Variants in ACAN observed in about 807,000 individuals in gnomAD.
ACAN encodes the protein aggrecan core protein.
In ACAN, 47 loss-of-function variants were observed where a neutral mutation model predicts 169.1. The ratio of observed to expected loss-of-function variants is 0.28; its 90% CI spans 0.22 to 0.35. ACAN has a LOEUF of 0.35. Among genes scored for constraint, ACAN ranks in the 10% least tolerant of loss-of-function variants. ACAN has a pLI of 1.00. For synonymous variants in ACAN, 1,115 were observed against 1,112.2 expected, an observed-to-expected ratio of 1.00 and a Z score of -0.05; for missense variants, 2,716 against 2,759.9, an observed-to-expected ratio of 0.98 and a Z score of 0.36.
Position 88,838,964 on chromosome 15 carries a change from C to T in ACAN, c.372C>T (p.Arg124=). Residue 124 remains arginine (R), a synonymous_variant, in exon 3 of 19, where the codon CGC becomes CGT. Coordinates refer to ENST00000560601, the MANE Select transcript of ACAN (RefSeq NM_001369268.1). This position sits in a 1 kb window ranked among gnomAD's most constrained non-coding sequence, Gnocchi z 5.1. ...SDATLEVQSL[R]SNDSGVYRCE... is the part of the protein sequence containing the mutation. ...CCACCTTGGAAGTCCAGAGCCTGCG[C>T]TCCAATGACTCTGGGGTCTACCGCT... is the stretch of plus-strand genomic sequence containing the variant. 2.5e-6 allele frequency: 4 copies of T among 1,613,538 alleles called. No individual in the cohort carries two copies. Among genetic ancestry groups the T allele is most frequent in the East Asian group, 2.2e-5 (1 of 44,878 alleles).
Position 88,855,119 on chromosome 15 carries a change from C to G in ACAN, c.2534C>G (p.Ser845Ter). The change falls in exon 12 of 19, where the codon TCA becomes TGA. Residue 845 changes from serine to a stop codon, truncating the protein, a stop_gained. Coordinates refer to ENST00000560601, the MANE Select transcript of ACAN (RefSeq NM_001369268.1). LOFTEE classifies it high-confidence loss of function. ...GCCTCGGAAGAGCCGTATACACCTT[C>G]ACCCCCCGTGCCCAGCTGGACTGAG... The part of the protein sequence containing the change: ...PSASEEPYTP[S>*]PPVPSWTELP... The G allele has an allele frequency of 6.2e-7, 1 of 1,606,574 alleles. No homozygotes were observed. The highest frequency in any genetic ancestry group is 8.5e-7 in the Non-Finnish European group (1 of 1,176,102).
intron 1 of ACAN, among the ~76,000 whole-genome samples, chr15:88,815,256 G>A (rs751949251): frequency 5.3e-5 from 8 of 151,966 alleles, no homozygotes; most frequent in Non-Finnish European, 1.2e-4. Context: ...CACAAAGATT[G>A]GATTCCAAGT....
At position 88,871,947 on chromosome 15, in the gene ACAN, C is replaced by T. The variant is rs60830355; in HGVS notation, c.7220-56C>T. The T allele has an allele frequency of 6.0e-6, 9 of 1,488,488 alleles. No individual in the cohort carries two copies. The highest frequency in any genetic ancestry group is 9.4e-7 in the Non-Finnish European group (1 of 1,064,992). 92.2% of individuals were successfully genotyped at this position (1,488,488 alleles called of 1,614,324 possible). On this transcript the variant is annotated intron_variant, in intron 15 of 18. Coordinates refer to ENST00000560601, the MANE Select transcript of ACAN (RefSeq NM_001369268.1). This position sits in a 1 kb window ranked among gnomAD's most constrained non-coding sequence, Gnocchi z 7.8. ...CCTCTGCCTCCGTGAGCTCAAGTTT[C>T]TCAGACACCCTCAGGGTGTCCAGTG...
At chr15:88,826,203 C>A (rs1295155168) in intron 1 of ACAN, among the ~76,000 whole-genome samples, 1 of 152,068 alleles carries the variant, frequency 6.6e-6, no homozygotes, top group Non-Finnish European at 1.5e-5. Flanking sequence ...TATTTTTGAG[C>A]AGATGATGAT....
chr15:88,837,506 C>T (rs1480519906), intron 2 of ACAN, among the ~76,000 whole-genome samples: 2 of 152,168 alleles, frequency 1.3e-5, no homozygotes, highest in East Asian at 1.9e-4. Flanking sequence ...GACCCACAGC[C>T]ATGCAGCCCC....
At chr15:88,863,313 CA>C (rs1596151444) in intron 13 of ACAN, among the ~76,000 whole-genome samples, 1 of 152,134 alleles carries the variant, frequency 6.6e-6, no homozygotes, top group East Asian at 1.9e-4. Flanking sequence ...TGACATCACC[CA>C]AGGGAATTAG....
At chr15:88,804,763 G>C (rs1895634771) in intron 1 of ACAN, among the ~76,000 whole-genome samples, 1 of 152,196 alleles carries the variant, frequency 6.6e-6, no homozygotes, top group African/African-American at 2.4e-5. Flanking sequence ...TCAGTCATGA[G>C]CTGGGTTCTG....
intron 12 of ACAN, among the ~76,000 whole-genome samples, chr15:88,860,018 G>A (rs566810426): frequency 6.0e-5 from 9 of 149,932 alleles, no homozygotes; most frequent in African/African-American, 2.0e-4. Context: ...TTGTCTCACC[G>A]TGACATAACT....
rs1455683103 is a variant in ACAN, at chr15:88,873,909, G to C, written c.7515G>C (p.Glu2505Asp). 6.2e-7 allele frequency: 1 copy of C among 1,613,728 alleles called. No homozygotes were observed. The highest frequency in any genetic ancestry group is 8.5e-7 in the Non-Finnish European group (1 of 1,179,908). ...TCGGGCAGAAGAAGGACCGGTATGAGATCAATTCCCTGGTGCGGTACCAGT... is the reference window on the plus strand; with the variant it reads ...TCGGGCAGAAGAAGGACCGGTATGACATCAATTCCCTGGTGCGGTACCAGT... ...RTFGQKKDRY[E>D]INSLVRYQCT... Residue 2505 changes from glutamate (E) to aspartate (D), a missense_variant, in exon 18 of 19, where the codon GAG (glutamate) becomes GAC (aspartate). Physicochemically the swap from Glu to Asp is conservative, Grantham distance 45 (BLOSUM62 2). Around this residue, in one of 3 missense-constraint regions of ACAN, gnomAD observed 1,389 missense variants for 1,363.7 expected, o/e 1.02. Transcript: ENST00000560601. This position sits in a 1 kb window ranked among gnomAD's most constrained non-coding sequence, Gnocchi z 7.5.
At position 88,851,334 on chromosome 15, in the gene ACAN, C is replaced by A; in HGVS notation, c.2027-460C>A. On this transcript the variant is annotated intron_variant, in intron 10 of 18. Transcript: ENST00000560601. The surrounding 1 kb of genome is among the most constrained non-coding windows in gnomAD (Gnocchi z 4.3). ...CACTTGGAACATAATCCCTGTCCCC[C>A]AAGGTTGTTCAGTAGTTGAGAGCGT... The A allele has an allele frequency of 6.4e-6, 1 of 156,636 alleles. No homozygotes were observed. The highest frequency in any genetic ancestry group is 6.3e-5 in the Admixed American group (1 of 15,916). The allele number at this position is 156,636 out of a possible 1,614,324, so 9.7% of individuals were successfully genotyped here. A position where few individuals can be genotyped will look rare whatever the true frequency, so the allele number is the denominator to read the frequency against.
chr15:88,849,820 C>A lies in ACAN; in HGVS notation c.2026+89C>A. 1 of 1,507,004 alleles carries A rather than the reference C, an allele frequency of 6.6e-7. No homozygotes were observed. The highest frequency in any genetic ancestry group is 9.0e-7 in the Non-Finnish European group (1 of 1,106,092). The allele number at this position is 1,507,004 out of a possible 1,614,324, so 93.4% of individuals were successfully genotyped here. A position where few individuals can be genotyped will look rare whatever the true frequency, so the allele number is the denominator to read the frequency against. ...CGGATCCTGCCACCACCCAGTATCC[C>A]ATCCATCAGAGCAAGAAAATGTCAG... On this transcript the variant is annotated intron_variant, in intron 10 of 18. Coordinates refer to ENST00000560601, the MANE Select transcript of ACAN (RefSeq NM_001369268.1). This position sits in a 1 kb window ranked among gnomAD's most constrained non-coding sequence, Gnocchi z 5.1.
At position 88,874,060 on chromosome 15, in the gene ACAN, G is replaced by T; in HGVS notation, c.7630+36G>T. 6.2e-7 allele frequency: 1 copy of T among 1,602,014 alleles called. No individual in the cohort carries two copies. The highest frequency in any genetic ancestry group is 8.5e-7 in the Non-Finnish European group (1 of 1,179,120). ...CCCCGGCCATCTCGCTGAGCACAGG[G>T]TTAGATTCTGCCAGCACAGCCTTCC... On this transcript the variant is annotated intron_variant, in intron 18 of 18. Coordinates refer to ENST00000560601, the MANE Select transcript of ACAN (RefSeq NM_001369268.1). This position sits in a 1 kb window ranked among gnomAD's most constrained non-coding sequence, Gnocchi z 7.3.
chr15:88,841,089 G>A (rs1896648735), intron 4 of ACAN, among the ~76,000 whole-genome samples: 1 of 152,352 alleles, frequency 6.6e-6, no homozygotes, highest in South Asian at 2.1e-4. Context: ...AGCTTGCAGT[G>A]AGCCGAGATC....
In ACAN at chr15:88,811,439, C is replaced by G. The variant is rs543328479; in HGVS notation, c.-8+7630C>G. Among the ~76,000 whole-genome samples the G allele has an allele frequency of 1.6e-4, 24 of 152,344 alleles. No individual in the cohort carries two copies. The South Asian group carries it at 1.7e-3, about 11-fold the overall frequency. On this transcript the variant is annotated intron_variant, in intron 1 of 18. Coordinates refer to ENST00000560601, the MANE Select transcript of ACAN (RefSeq NM_001369268.1). ...AGGTAGGGCTTAAAATCCTAAATCT[C>G]AAATGAACTCACTGACCCAGCAAGC...
Position 88,849,401 on chromosome 15 carries a change from G to A in ACAN, c.1733-37G>A, listed in dbSNP as rs996714747. The A allele has an allele frequency of 7.2e-6, 11 of 1,517,488 alleles. No individual in the cohort carries two copies. The highest frequency in any genetic ancestry group is 1.3e-5 in the South Asian group (1 of 77,094). 94.0% of individuals were successfully genotyped at this position (1,517,488 alleles called of 1,614,324 possible). A position where few individuals can be genotyped will look rare whatever the true frequency, so the allele number is the denominator to read the frequency against. On this transcript the variant is annotated intron_variant, in intron 9 of 18. Transcript: ENST00000560601. The surrounding 1 kb of genome is among the most constrained non-coding windows in gnomAD (Gnocchi z 5.1). ...GCAGGGATGGACCTGGCCTGAGTGT[G>A]GGGGGGTCATATTCTACCCCTTGCC...
intron 7 of ACAN, 127 bp from the exon 8 acceptor site, chr15:88,847,116 A>G: frequency 2.8e-6 from 3 of 1,074,026 alleles, no homozygotes; most frequent in South Asian, 3.9e-5. Context: ...GTGGGATTTC[A>G]GCCTGCATTG....
At chr15:88,816,566 C>T (rs1441512540) in intron 1 of ACAN, among the ~76,000 whole-genome samples, 3 of 152,150 alleles carry the variant, frequency 2.0e-5, no homozygotes, top group African/African-American at 7.2e-5. Context: ...TTATAGATAA[C>T]AACACTGAGA....
chr15:88,846,518 A>G (rs1307753596), intron 7 of ACAN, among the ~76,000 whole-genome samples: 1 of 152,274 alleles, frequency 6.6e-6, no homozygotes, highest in East Asian at 1.9e-4. Context: ...CAAGTTGTCT[A>G]TGACTAACTG....
At position 88,845,864 on chromosome 15, in the gene ACAN, C is replaced by A. The variant is rs759209767; in HGVS notation, c.1411C>A (p.Gln471Lys). 3.5e-5 allele frequency: 51 copies of A among 1,456,638 alleles called. No individual in the cohort carries two copies. The highest frequency in any genetic ancestry group is 4.6e-5 in the Non-Finnish European group (51 of 1,100,672). The allele number at this position is 1,456,638 out of a possible 1,614,324, so 90.2% of individuals were successfully genotyped here. The change falls in exon 7 of 19, where the codon CAG becomes AAG. Residue 471 changes from glutamine to lysine, a missense_variant. By Grantham distance (53) the Gln-to-Lys change is moderately conservative (BLOSUM62 1). Transcript: ENST00000560601. ...LVVQVTAVPG[Q>K]PHLPGGVVFH... ...CGTGCAGGTGACCGCTGTCCCTGGG[C>A]AGCCGCATTTGCCAGGGGGTAAGTA...
Sources: allele counts gnomAD v4.1 joint callset (sites outside exome capture counted in the v4.1 genomes callset), GRCh38; gene constraint gnomAD v4.1.1; regional missense constraint gnomAD v4.1.1; non-coding constraint Gnocchi (gnomAD v3.1); transcripts MANE v1.5; gene names NCBI Gene and HGNC (gene_info 2026-07-23, HGNC 2026-07-21).